The following LRRC8C variants were observed in gnomAD, a reference collection of about 807,000 sequenced individuals.
LRRC8C encodes leucine rich repeat containing 8 VRAC subunit C, also known as volume-regulated anion channel subunit LRRC8C.
A neutral mutation model predicts 55.3 loss-of-function variants in LRRC8C; 20 were observed. That is an observed-to-expected ratio of 0.36 (90% CI 0.25 to 0.53). LRRC8C has a LOEUF of 0.53. Among genes scored for constraint, LRRC8C ranks in the 20% least tolerant of loss-of-function variants. The probability of loss-of-function intolerance (pLI) is 0.92; values close to 1 mark genes in which losing one functional copy is unlikely to be tolerated. For missense variants in LRRC8C, 659 were observed against 951.4 expected (o/e 0.69, Z 4.04); for synonymous variants, 376 against 360.7 (o/e 1.04, Z -0.48).
chr1:89,656,744 G>A (rs1246285194), intron 1 of LRRC8C, among the ~76,000 whole-genome samples: 1 of 152,206 alleles, frequency 6.6e-6, no homozygotes, highest in African/African-American at 2.4e-5. Flanking sequence ...CACTTTCCAT[G>A]AACAGCAGAT....
At chr1:89,644,455 C>A (rs1656556518) in intron 1 of LRRC8C, among the ~76,000 whole-genome samples, 1 of 152,182 alleles carries the variant, frequency 6.6e-6, no homozygotes, top group African/African-American at 2.4e-5. Flanking sequence ...CCAGACGAAA[C>A]CCCACTATTT....
chr1:89,685,209 C>T (rs929969384), intron 1 of LRRC8C, among the ~76,000 whole-genome samples: 1 of 146,688 alleles, frequency 6.8e-6, no homozygotes, highest in Non-Finnish European at 1.5e-5. Flanking sequence ...AGCTCCGCTT[C>T]CCGGGTTCAC....
At chr1:89,639,000 A>ATTTTATTT (rs1219055521) in intron 1 of LRRC8C, among the ~76,000 whole-genome samples, 3 of 150,708 alleles carry the variant, frequency 2.0e-5, no homozygotes, top group African/African-American at 4.9e-5. Flanking sequence ...ATTTTATTTG[A>ATTTTATTT]GACAGAGTTT....
chr1:89,714,255 A>G lies in LRRC8C; in HGVS notation c.1685A>G (p.Asp562Gly). The change falls in exon 3 of 3, where the codon GAT (aspartate) becomes GGT (glycine). Residue 562 changes from aspartate (D) to glycine (G), a missense_variant. By Grantham distance (94) the Asp-to-Gly change is moderately conservative. This residue lies in a region of LRRC8C where 344 missense variants were observed against 464.6 expected (regional missense o/e 0.74). Transcript: ENST00000370454. This position sits in a 1 kb window ranked among gnomAD's most constrained non-coding sequence, Gnocchi z 4.6. Reference protein sequence around the residue: ...NVSKIPQAVVDVSSHLQKMCI... With the variant: ...NVSKIPQAVVGVSSHLQKMCI... The stretch of plus-strand genomic sequence containing the variant: ...TCCAAAATCCCTCAGGCAGTGGTTG[A>G]TGTTTCCAGCCATCTCCAGAAGATG... 6.2e-7 allele frequency: 1 copy of G among 1,614,152 alleles called. No homozygotes were observed. The highest frequency in any genetic ancestry group is 8.5e-7 in the Non-Finnish European group (1 of 1,180,032).
intron 2 of LRRC8C, among the ~76,000 whole-genome samples, chr1:89,693,144 A>G (rs1658069519): frequency 6.6e-6 from 1 of 152,218 alleles, no homozygotes; most frequent in African/African-American, 2.4e-5. Context: ...GGAAGATTTA[A>G]CCCAATCACT....
chr1:89,659,212 C>T (rs901060252), intron 1 of LRRC8C, among the ~76,000 whole-genome samples: 2 of 151,906 alleles, frequency 1.3e-5, no homozygotes, highest in African/African-American at 4.8e-5. Context: ...GTCAGCCCAG[C>T]TATCCCAGTT....
At chr1:89,704,715 A>G (rs901630762) in intron 2 of LRRC8C, among the ~76,000 whole-genome samples, 3 of 152,182 alleles carry the variant, frequency 2.0e-5, no homozygotes, top group African/African-American at 7.2e-5. Context: ...AATCAAAACC[A>G]CAATGAGATA....
At chr1:89,686,960 T>G (rs919582312) in intron 2 of LRRC8C, among the ~76,000 whole-genome samples, 1 of 152,238 alleles carries the variant, frequency 6.6e-6, no homozygotes, top group Non-Finnish European at 1.5e-5. Flanking sequence ...GTGGAACTTT[T>G]TGCTTTTATT....
chr1:89,639,537 C>T (rs1047376558), intron 1 of LRRC8C, among the ~76,000 whole-genome samples: 3 of 151,974 alleles, frequency 2.0e-5, no homozygotes, highest in Non-Finnish European at 4.4e-5. Flanking sequence ...AACAACTCAT[C>T]CCTCATCTCC....
chr1:89,697,166 C>G (rs1421766647), intron 2 of LRRC8C, among the ~76,000 whole-genome samples: 1 of 152,120 alleles, frequency 6.6e-6, no homozygotes, highest in Non-Finnish European at 1.5e-5. Context: ...TGGACCACAA[C>G]CTGGCAGTTG....
At position 89,666,269 on chromosome 1, in the gene LRRC8C, G is replaced by A. The variant is rs188426263; in HGVS notation, c.-4-20201G>A. 3.0e-3 allele frequency among the ~76,000 whole-genome samples: 459 copies of A among 152,164 alleles called. 2 individuals are homozygous for A. The highest frequency in any genetic ancestry group is 2.3e-3 in the Non-Finnish European group (157 of 67,982). On this transcript the variant is annotated intron_variant, in intron 1 of 2. Transcript: ENST00000370454. ...AGGTCCCTGGAAGTTGACAGAGGCC[G>A]GCAATGTGAGTAGAGGAAAAAACAT... is the stretch of plus-strand genomic sequence containing the variant.
chr1:89,654,438 A>G (rs894854838), intron 1 of LRRC8C, among the ~76,000 whole-genome samples: 2 of 152,214 alleles, frequency 1.3e-5, no homozygotes, highest in Admixed American at 1.3e-4. Context: ...AATGTCTACT[A>G]AACTTCCAGT....
chr1:89,637,884 C>G (rs1288936845), intron 1 of LRRC8C, among the ~76,000 whole-genome samples: 1 of 152,146 alleles, frequency 6.6e-6, no homozygotes, highest in African/African-American at 2.4e-5. Flanking sequence ...AATTTAGGAT[C>G]ATTTTCTGGT....
rs753095674 is a variant in LRRC8C at position 89,714,356 on chromosome 1, C to T, written c.1786C>T (p.Leu596=). The T allele has an allele frequency of 6.2e-7, 1 of 1,614,196 alleles. No homozygotes were observed. The highest frequency in any genetic ancestry group is 8.5e-7 in the Non-Finnish European group (1 of 1,180,028). The change falls in exon 3 of 3, where the codon CTG becomes TTG. Residue 596 remains leucine, a synonymous_variant. Transcript: ENST00000370454. The surrounding 1 kb of genome is among the most constrained non-coding windows in gnomAD (Gnocchi z 4.6). ...KKMTNLTELE[L]VHCDLERIPH... is the part of the protein sequence containing the mutation. ...GATGACCAATCTGACAGAGCTGGAG[C>T]TGGTCCACTGTGACCTGGAGCGTAT...
chr1:89,715,139 G>T lies in LRRC8C; in HGVS notation c.*157G>T, dbSNP rs1658780692. On this transcript the variant is annotated 3_prime_UTR_variant, in exon 3 of 3. Transcript: ENST00000370454. Reference sequence around the variant, plus strand: ...ATGTATTTTTAATAAAAATTTAATTGTATTTTTTCAATATTAATATTTTGA... The same window carrying T: ...ATGTATTTTTAATAAAAATTTAATTTTATTTTTTCAATATTAATATTTTGA... 5 of 423,780 alleles carry T rather than the reference G, an allele frequency of 1.2e-5. No individual in the cohort carries two copies. The Admixed American group carries it at 1.3e-4, about 11-fold the overall frequency. The allele number at this position is 423,780 out of a possible 1,614,324, so 26.3% of individuals were successfully genotyped here. A position where few individuals can be genotyped will look rare whatever the true frequency, so the allele number is the denominator to read the frequency against.
intron 2 of LRRC8C, among the ~76,000 whole-genome samples, chr1:89,710,997 T>A (rs1457228172): frequency 2.0e-5 from 3 of 152,224 alleles, no homozygotes; most frequent in Non-Finnish European, 2.9e-5. Flanking sequence ...CCGATTAAGA[T>A]GGCAATTAAT....
At chr1:89,704,227 C>G (rs1658409828) in intron 2 of LRRC8C, among the ~76,000 whole-genome samples, 1 of 152,168 alleles carries the variant, frequency 6.6e-6, no homozygotes, top group Non-Finnish European at 1.5e-5. Context: ...CCTTTAACCT[C>G]TGATCTGTTC....
At chr1:89,700,272 G>A (rs552458367) in intron 2 of LRRC8C, among the ~76,000 whole-genome samples, 18 of 152,142 alleles carry the variant, frequency 1.2e-4, no homozygotes, top group South Asian at 6.2e-4. Context: ...CTTCTACTCC[G>A]CCAAGCCTAC....
At chr1:89,646,643 C>T (rs1182999357) in intron 1 of LRRC8C, among the ~76,000 whole-genome samples, 1 of 152,016 alleles carries the variant, frequency 6.6e-6, no homozygotes, top group Non-Finnish European at 1.5e-5. Context: ...TAACCTATAG[C>T]TAGCATCATA....
Sources: allele counts gnomAD v4.1 joint callset (sites outside exome capture counted in the v4.1 genomes callset), GRCh38; gene constraint gnomAD v4.1.1; regional missense constraint gnomAD v4.1.1; non-coding constraint Gnocchi (gnomAD v3.1); transcripts MANE v1.5; gene names NCBI Gene and HGNC (gene_info 2026-07-23, HGNC 2026-07-21).